The following EPG5 variants were observed in gnomAD, a reference collection of about 807,000 sequenced individuals.
The protein encoded by EPG5 is ectopic P-granules 5 autophagy tethering factor.
EPG5 carries 159 observed loss-of-function variants against 302.7 expected under a neutral mutation model. The ratio of observed to expected loss-of-function variants is 0.53; its 90% CI spans 0.46 to 0.60. The LOEUF is 0.60. Among genes scored for constraint, EPG5 ranks in the 20% least tolerant of loss-of-function variants. The pLI, the probability that EPG5 is intolerant of heterozygous loss-of-function variation, is 0.00. For synonymous variants in EPG5, 1,158 were observed against 1,136.8 expected, an observed-to-expected ratio of 1.02 and a Z score of -0.37; for missense variants, 2,896 against 3,092.4, an observed-to-expected ratio of 0.94 and a Z score of 1.51.
At chr18:45,897,278 C>G (rs1265827907) in intron 27 of EPG5, among the ~76,000 whole-genome samples, 1 of 152,192 alleles carries the variant, frequency 6.6e-6, no homozygotes, top group East Asian at 1.9e-4. Flanking sequence ...ACTGGAAAAA[C>G]ATTTCTTTAT....
chr18:45,842,191 G>A, the EPG5 span: 1 of 1,614,124 alleles, frequency 6.2e-7, no homozygotes, highest in South Asian at 1.1e-5. Flanking sequence ...ACCGTGAGGA[G>A]TCCCTCAGCC....
intron 25 of EPG5, among the ~76,000 whole-genome samples, chr18:45,902,813 C>T (rs901660002): frequency 3.3e-5 from 5 of 152,210 alleles, no homozygotes; most frequent in African/African-American, 9.7e-5. Flanking sequence ...TGGAGTCAGA[C>T]GGCTCTGCCC....
Position 45,871,813 on chromosome 18 carries a change from G to T in EPG5, c.6050-1071C>A, listed in dbSNP as rs953197420. Among the ~76,000 whole-genome samples the T allele has an allele frequency of 3.9e-4, 60 of 152,286 alleles. 1 individual carries two copies. The highest frequency in any genetic ancestry group is 1.3e-3 in the Admixed American group (20 of 15,300). ...AAAAGGGAGGGAATGAGGAGTTGCT[G>T]ATCAAAAGGGCACAAAGTTTCAGAG... On this transcript the variant is annotated intron_variant, in intron 35 of 43. Transcript: ENST00000282041.
chr18:45,870,525 C>A, intron 36 of EPG5, 42 bp downstream of exon 36: 1 of 1,576,938 alleles, frequency 6.3e-7, no homozygotes, highest in Non-Finnish European at 8.7e-7. Flanking sequence ...TCCCTAGAAG[C>A]CAGATCTCTC....
chr18:45,948,608 G>A (rs1408615989), intron 5 of EPG5, 32 bp from the exon 6 acceptor site: 1 of 1,552,724 alleles, frequency 6.4e-7, no homozygotes, highest in Non-Finnish European at 8.9e-7. Flanking sequence ...GCATACTGTA[G>A]AAAACAAATA....
At chr18:45,950,733 A>C (rs993506626) in intron 4 of EPG5, among the ~76,000 whole-genome samples, 4 of 152,236 alleles carry the variant, frequency 2.6e-5, no homozygotes, top group Non-Finnish European at 4.4e-5. Flanking sequence ...GCATCGTATC[A>C]GCACTCAAAA....
At chr18:45,918,733 A>G (rs1366810963) in intron 16 of EPG5, among the ~76,000 whole-genome samples, 2 of 152,200 alleles carry the variant, frequency 1.3e-5, no homozygotes, top group African/African-American at 4.8e-5. Flanking sequence ...GGCAATGTGG[A>G]AAAACACTTC....
intron 24 of EPG5, among the ~76,000 whole-genome samples, chr18:45,904,791 T>G (rs564136702): frequency 1.3e-5 from 2 of 152,364 alleles, no homozygotes; most frequent in African/African-American, 4.8e-5. Flanking sequence ...GAACATTGAC[T>G]AAATATTTGA....
intron 3 of EPG5, among the ~76,000 whole-genome samples, chr18:45,951,811 T>G (rs1599643208): frequency 6.6e-6 from 1 of 152,254 alleles, no homozygotes; most frequent in Admixed American, 6.5e-5. Context: ...CTACCCCCAG[T>G]TAATTGATTA....
intron 10 of EPG5, among the ~76,000 whole-genome samples, chr18:45,937,328 A>T (rs1331567277): frequency 6.7e-6 from 1 of 149,496 alleles, no homozygotes. Flanking sequence ...ATTTATATAT[A>T]TATACACATA....
chr18:45,941,308 C>T (rs754518955), intron 9 of EPG5, among the ~76,000 whole-genome samples: 2 of 152,234 alleles, frequency 1.3e-5, no homozygotes, highest in East Asian at 1.9e-4. Context: ...ATGTAAGCTG[C>T]GTGAGAGATG....
Position 45,916,221 on chromosome 18 carries a change from C to A in EPG5, c.3385-15G>T. On this transcript the variant is annotated splice_polypyrimidine_tract_variant and intron_variant, in intron 18 of 43. Coordinates refer to ENST00000282041, the MANE Select transcript of EPG5 (RefSeq NM_020964.3). ...GATATGTGTGCCTGTGGAGAAAAGG[C>A]TCATGTGATGGGAAAGATAACAACC... The A allele has an allele frequency of 6.3e-7, 1 of 1,596,710 alleles. No individual in the cohort carries two copies. The highest frequency in any genetic ancestry group is 1.1e-5 in the South Asian group (1 of 88,136).
chr18:45,870,788 TAAA>T (rs11334955), intron 35 of EPG5, 46 bp from the exon 36 acceptor site: 10,359 of 948,292 alleles, frequency 0.011, no homozygotes, highest in South Asian at 0.018. Context: ...TGGTTTACCT[TAAA>T]AAAAAAAAAA....
the EPG5 span, among the ~76,000 whole-genome samples, chr18:45,812,051 T>C: frequency 6.6e-6 from 1 of 152,202 alleles, no homozygotes; most frequent in Admixed American, 6.5e-5. Flanking sequence ...CTTAAGCTGA[T>C]AAGAAACTTC....
chr18:45,844,381 T>C (rs938819926), downstream of EPG5, among the ~76,000 whole-genome samples: 3 of 152,178 alleles, frequency 2.0e-5, no homozygotes, highest in African/African-American at 7.2e-5. Context: ...TAACAACTTA[T>C]TGTATATTTT....
At chr18:45,828,420 T>C in the EPG5 span, among the ~76,000 whole-genome samples, 1 of 152,010 alleles carries the variant, frequency 6.6e-6, no homozygotes, top group Non-Finnish European at 1.5e-5. Context: ...CATATCTGCT[T>C]TTAGGAAGCT....
At position 45,944,243 on chromosome 18, in the gene EPG5, T is replaced by C. The variant is rs576656315; in HGVS notation, c.1678-124A>G. On this transcript the variant is annotated intron_variant, in intron 7 of 43. Coordinates refer to ENST00000282041, the MANE Select transcript of EPG5 (RefSeq NM_020964.3). ...CATGTGATATCCTCATGAGTCTTCATGGACCTTTTCTCCAGGACAGCAATT... is the reference window on the plus strand; with the variant it reads ...CATGTGATATCCTCATGAGTCTTCACGGACCTTTTCTCCAGGACAGCAATT... The C allele has an allele frequency of 7.1e-5, 44 of 616,450 alleles. 1 individual carries two copies. The South Asian group carries it at 7.3e-4, about 10-fold the overall frequency. 38.2% of individuals were successfully genotyped at this position (616,450 alleles called of 1,614,324 possible).
At position 45,903,898 on chromosome 18, in the gene EPG5, C is replaced by G. The variant is rs1599535832; in HGVS notation, c.4474+75G>C. The G allele has an allele frequency of 4.2e-6, 6 of 1,425,946 alleles. No homozygotes were observed. In the East Asian group the frequency reaches 1.3e-4, roughly 31 times the overall value. 88.3% of individuals were successfully genotyped at this position (1,425,946 alleles called of 1,614,324 possible). A position where few individuals can be genotyped will look rare whatever the true frequency, so the allele number is the denominator to read the frequency against. ...TGAACACTGGGGGAATAAAGTATGT[C>G]AGCCTCAACCCTCAATGGCTCTGAT... is the stretch of plus-strand genomic sequence containing the variant. On this transcript the variant is annotated intron_variant, in intron 25 of 43. Transcript: ENST00000282041.
chr18:45,932,998 G>A (rs143139510), intron 11 of EPG5, among the ~76,000 whole-genome samples: 570 of 152,258 alleles, frequency 3.7e-3, no homozygotes, highest in African/African-American at 0.013. Flanking sequence ...TAGTAAGTCC[G>A]CAATGAAGGG....
Sources: allele counts gnomAD v4.1 joint callset (sites outside exome capture counted in the v4.1 genomes callset), GRCh38; gene constraint gnomAD v4.1.1; transcripts MANE v1.5; gene names NCBI Gene and HGNC (gene_info 2026-07-23, HGNC 2026-07-21).